Variants in ZRANB3 observed in about 807,000 individuals in gnomAD.
ZRANB3 encodes the protein DNA annealing helicase and endonuclease ZRANB3.
ZRANB3 carries 125 observed loss-of-function variants against 133.8 expected under a neutral mutation model. The ratio of observed to expected loss-of-function variants is 0.93; its 90% CI spans 0.81 to 1.08. The LOEUF (loss-of-function observed/expected upper bound fraction) is 1.08. Among genes scored for constraint, ZRANB3 ranks in the 50% least tolerant of loss-of-function variants. The pLI, the probability that ZRANB3 is intolerant of heterozygous loss-of-function variation, is 0.00. For missense variants in ZRANB3, 1,229 were observed against 1,275.5 expected (o/e 0.96, Z 0.56); for synonymous variants, 387 against 432.7 (o/e 0.89, Z 1.31).
intron 8 of ZRANB3, among the ~76,000 whole-genome samples, chr2:135,298,905 G>A (rs952680574): frequency 3.3e-5 from 5 of 152,064 alleles, no homozygotes; most frequent in Non-Finnish European, 7.4e-5. Context: ...TTTGGAGCAC[G>A]GTTGTTCTGA....
At chr2:135,488,618 C>A (rs992386766) in intron 2 of ZRANB3, among the ~76,000 whole-genome samples, 6 of 151,132 alleles carry the variant, frequency 4.0e-5, no homozygotes, top group Non-Finnish European at 5.9e-5. Context: ...TTTGTAAAAA[C>A]CACAATTTAT....
At chr2:135,247,918 T>TG (rs1374358408) in intron 12 of ZRANB3, among the ~76,000 whole-genome samples, 2 of 152,142 alleles carry the variant, frequency 1.3e-5, no homozygotes, top group Non-Finnish European at 2.9e-5. Context: ...GTGGCCAGAC[T>TG]GCTTTTTTTA....
intron 8 of ZRANB3, among the ~76,000 whole-genome samples, chr2:135,279,261 T>C (rs1290852573): frequency 6.6e-6 from 1 of 152,176 alleles, no homozygotes; most frequent in East Asian, 1.9e-4. Flanking sequence ...TTCATACATA[T>C]GACTATAAAG....
intron 4 of ZRANB3, among the ~76,000 whole-genome samples, chr2:135,351,864 T>C (rs947147828): frequency 7.2e-5 from 11 of 152,236 alleles, no homozygotes; most frequent in African/African-American, 2.7e-4. Context: ...AGGAAACTTA[T>C]ACTCTGGAGT....
intron 2 of ZRANB3, among the ~76,000 whole-genome samples, chr2:135,498,408 T>G (rs1370311658): frequency 1.3e-5 from 2 of 152,360 alleles, no homozygotes; most frequent in East Asian, 3.9e-4. Flanking sequence ...TCATGGACAC[T>G]TATCACTTCC....
chr2:135,484,237 A>T (rs564730988), intron 2 of ZRANB3, among the ~76,000 whole-genome samples: 1 of 152,210 alleles, frequency 6.6e-6, no homozygotes, highest in East Asian at 1.9e-4. Context: ...CAGGATTTCC[A>T]GAAAAAATAA....
intron 1 of ZRANB3, among the ~76,000 whole-genome samples, chr2:135,512,752 G>T (rs1693521946): frequency 6.6e-6 from 1 of 151,668 alleles, no homozygotes; most frequent in Admixed American, 6.6e-5. Flanking sequence ...ATTTTATAAT[G>T]ATAAAAGATT....
chr2:135,372,559 AG>A (rs1028700712), intron 3 of ZRANB3, among the ~76,000 whole-genome samples: 3 of 152,184 alleles, frequency 2.0e-5, no homozygotes, highest in Admixed American at 6.5e-5. Context: ...GCACTTTGGG[AG>A]GCGGATCATG....
chr2:135,468,822 A>G (rs1466817267), intron 2 of ZRANB3, among the ~76,000 whole-genome samples: 1 of 152,210 alleles, frequency 6.6e-6, no homozygotes, highest in Admixed American at 6.5e-5. Context: ...ATTTGCAAAC[A>G]ATGATTCAGT....
intron 2 of ZRANB3, among the ~76,000 whole-genome samples, chr2:135,467,429 A>G (rs1691048060): frequency 6.6e-6 from 1 of 152,220 alleles, no homozygotes; most frequent in Non-Finnish European, 1.5e-5. Flanking sequence ...TACATGAGAT[A>G]AATTAACCAC....
At chr2:135,405,273 T>C (rs1159061946) in intron 2 of ZRANB3, among the ~76,000 whole-genome samples, 1 of 152,176 alleles carries the variant, frequency 6.6e-6, no homozygotes, top group Non-Finnish European at 1.5e-5. Context: ...GAGCTAACTA[T>C]CCTAAATATA....
At chr2:135,528,694 T>C (rs1163279464) in intron 1 of ZRANB3, among the ~76,000 whole-genome samples, 1 of 152,004 alleles carries the variant, frequency 6.6e-6, no homozygotes, top group Non-Finnish European at 1.5e-5. Flanking sequence ...TGCTAAATTA[T>C]CACTGAATAT....
intron 2 of ZRANB3, among the ~76,000 whole-genome samples, chr2:135,430,919 G>A (rs1689292312): frequency 1.3e-5 from 2 of 152,016 alleles, no homozygotes; most frequent in Admixed American, 6.6e-5. Context: ...ATACAAACTT[G>A]AAGTAGAAAC....
In ZRANB3 at chr2:135,398,619, C is replaced by T. The variant is rs991763093; in HGVS notation, c.162-7799G>A. Among the ~76,000 whole-genome samples the T allele has an allele frequency of 2.0e-5, 3 of 149,056 alleles. No individual in the cohort carries two copies. The South Asian group carries it at 6.4e-4, about 32-fold the overall frequency. On this transcript the variant is annotated intron_variant, in intron 2 of 20. Transcript: ENST00000264159. ...CTGCAAGCTCCGCCTCCTGGGTTTA[C>T]GCCATTCTCCTGCCTCAGCCTCCGG...
At chr2:135,530,814 G>C (rs1694537942) in intron 1 of ZRANB3, 1 of 152,172 alleles carries the variant, frequency 6.6e-6, no homozygotes, top group Non-Finnish European at 1.5e-5. Flanking sequence ...GGCTGAAGCG[G>C]CGGCATGGGT....
intron 12 of ZRANB3, among the ~76,000 whole-genome samples, chr2:135,237,103 AAAC>A (rs1321343735): frequency 6.6e-6 from 1 of 152,180 alleles, no homozygotes; most frequent in Non-Finnish European, 1.5e-5. Flanking sequence ...AGAAAAAAAC[AAAC>A]AACCCCATCG....
At chr2:135,398,536 T>TTTTTTTTTTG (rs1687599703) in intron 2 of ZRANB3, among the ~76,000 whole-genome samples, 1 of 149,566 alleles carries the variant, frequency 6.7e-6, no homozygotes, top group African/African-American at 2.5e-5. Flanking sequence ...TTTTTTTTTT[T>TTTTTTTTTTG]GAGATGGAGT....
At chr2:135,326,931 C>T (rs1683865570) in intron 6 of ZRANB3, among the ~76,000 whole-genome samples, 1 of 149,522 alleles carries the variant, frequency 6.7e-6, no homozygotes, top group Non-Finnish European at 1.5e-5. Context: ...AAGAACAGTC[C>T]TTCCTTACTC....
intron 2 of ZRANB3, among the ~76,000 whole-genome samples, chr2:135,453,815 G>C (rs1460331022): frequency 2.0e-5 from 3 of 152,196 alleles, no homozygotes; most frequent in Non-Finnish European, 4.4e-5. Context: ...CCTTCAAACT[G>C]TTTCAACCTC....
Sources: gnomAD v4.1 joint callset for allele counts (sites outside exome capture counted in the v4.1 genomes callset) on GRCh38, gnomAD v4.1.1 for gene constraint, MANE v1.5 for transcripts, NCBI Gene and HGNC (gene_info 2026-07-23, HGNC 2026-07-21) for gene names.